The following LINC00305 variants were observed in gnomAD, a reference collection of about 807,000 sequenced individuals.
LINC00305 encodes long intergenic non-protein coding RNA 305.
At chr18:64,143,737 C>T (rs535306231) in intron 1 of LINC00305, among the ~76,000 whole-genome samples, 1 of 67,774 alleles carries the variant, frequency 1.5e-5, no homozygotes, top group Non-Finnish European at 3.2e-5. Flanking sequence ...TGTATGTCCA[C>T]ATATTATGCG....
At chr18:64,091,661 A>G (rs565387598) in intron 3 of LINC00305, among the ~76,000 whole-genome samples, 1 of 152,350 alleles carries the variant, frequency 6.6e-6, no homozygotes, top group East Asian at 1.9e-4. Flanking sequence ...GAATCAGACC[A>G]TTGGTCTGCA....
At chr18:64,108,884 TGGA>T (rs1336801674) in intron 1 of LINC00305, among the ~76,000 whole-genome samples, 3 of 152,214 alleles carry the variant, frequency 2.0e-5, no homozygotes, top group Non-Finnish European at 4.4e-5. Flanking sequence ...GGATGGAACC[TGGA>T]GAAAAAGAAA....
In LINC00305 at chr18:64,102,666, A is replaced by G. The variant is rs540259254; in HGVS notation, n.315-4026T>C. Among the ~76,000 whole-genome samples the G allele has an allele frequency of 5.3e-5, 8 of 152,296 alleles. No homozygotes were observed. In the East Asian group the frequency reaches 1.5e-3, roughly 29 times the overall value. On this transcript the variant is annotated intron_variant and non_coding_transcript_variant, in intron 1 of 3. Coordinates refer to ENST00000666468, the Ensembl canonical transcript of LINC00305. ...TGGTTCTGCAGGCTATATAGGAAGT[A>G]TAGTAGCTTCTGCTTCTAGGGAGAC...
At chr18:64,102,710 A>G (rs146490237) in intron 1 of LINC00305, among the ~76,000 whole-genome samples, 1,707 of 152,292 alleles carry the variant, frequency 0.011, 29 homozygotes, top group African/African-American at 0.039. Context: ...ACTTAGAATC[A>G]TGGCGGAGGG....
intron 1 of LINC00305, among the ~76,000 whole-genome samples, chr18:64,118,614 T>C (rs1171099614): frequency 6.6e-6 from 1 of 152,186 alleles, no homozygotes; most frequent in African/African-American, 2.4e-5. Context: ...TGACACATTC[T>C]GCGTGGAATG....
Position 64,109,064 on chromosome 18 carries a change from G to A in LINC00305, n.315-10424C>T, listed in dbSNP as rs1407198768. Among the ~76,000 whole-genome samples, 3 of 152,204 alleles carry A rather than the reference G, an allele frequency of 2.0e-5. No homozygotes were observed. The South Asian group carries it at 6.2e-4, about 32-fold the overall frequency. On this transcript the variant is annotated intron_variant and non_coding_transcript_variant, in intron 1 of 3. Transcript: ENST00000666468. The stretch of plus-strand genomic sequence containing the variant: ...CCCCCACATTTGAAAAATCACTGCT[G>A]TAGATGTGTGAAATGGATTTGTGGA...
intron 1 of LINC00305, among the ~76,000 whole-genome samples, chr18:64,148,187 G>C (rs534220100): frequency 6.6e-6 from 1 of 152,048 alleles, no homozygotes; most frequent in Non-Finnish European, 1.5e-5. Flanking sequence ...TCTCTCTTCT[G>C]AGATTCAGTT....
intron 1 of LINC00305, among the ~76,000 whole-genome samples, chr18:64,148,218 A>C (rs2051507391): frequency 6.6e-6 from 1 of 151,970 alleles, no homozygotes; most frequent in Non-Finnish European, 1.5e-5. Flanking sequence ...AGAGGAGTGT[A>C]AAGTCTAACC....
intron 3 of LINC00305, chr18:64,097,810 T>C (rs1422563062): frequency 2.2e-6 from 1 of 448,892 alleles, no homozygotes; most frequent in Middle Eastern, 3.3e-4. Flanking sequence ...AAAAACTTTT[T>C]GTTTCATGAA....
At chr18:64,141,740 A>G (rs2051464449) in intron 1 of LINC00305, among the ~76,000 whole-genome samples, 1 of 152,244 alleles carries the variant, frequency 6.6e-6, no homozygotes, top group African/African-American at 2.4e-5. Flanking sequence ...TTCAATTCTG[A>G]TAATTCTGAG....
intron 1 of LINC00305, among the ~76,000 whole-genome samples, chr18:64,129,310 T>C (rs1481726928): frequency 2.0e-5 from 3 of 152,118 alleles, no homozygotes. Flanking sequence ...AATGACTGAT[T>C]TGCTAATTTT....
chr18:64,102,207 C>A (rs186886748), intron 1 of LINC00305, among the ~76,000 whole-genome samples: 3 of 152,092 alleles, frequency 2.0e-5, no homozygotes, highest in Non-Finnish European at 4.4e-5. Flanking sequence ...ATGAGAGAAG[C>A]CTAAAGGTCT....
At chr18:64,100,325 A>C (rs1487384693) in intron 1 of LINC00305, among the ~76,000 whole-genome samples, 1 of 152,188 alleles carries the variant, frequency 6.6e-6, no homozygotes, top group Non-Finnish European at 1.5e-5. Context: ...ACAAAAAGTC[A>C]ATTGGAGCTC....
At chr18:64,107,679 C>T (rs534030015) in intron 1 of LINC00305, among the ~76,000 whole-genome samples, 1 of 152,238 alleles carries the variant, frequency 6.6e-6, no homozygotes, top group South Asian at 2.1e-4. Flanking sequence ...TTCGTGACAT[C>T]GGAGATACAA....
At chr18:64,111,755 G>A (rs1253179776) in intron 1 of LINC00305, among the ~76,000 whole-genome samples, 8 of 152,134 alleles carry the variant, frequency 5.3e-5, no homozygotes, top group South Asian at 2.1e-4. Context: ...GAGTCAAGTC[G>A]TCCAAGCTCC....
At chr18:64,099,057 T>C (rs1293477775) in intron 1 of LINC00305, among the ~76,000 whole-genome samples, 1 of 152,216 alleles carries the variant, frequency 6.6e-6, no homozygotes, top group Non-Finnish European at 1.5e-5. Flanking sequence ...GAGGAGAAGA[T>C]ATCCTGTCTC....
At chr18:64,113,034 T>C (rs750774265) in intron 1 of LINC00305, among the ~76,000 whole-genome samples, 12 of 152,344 alleles carry the variant, frequency 7.9e-5, no homozygotes, top group Non-Finnish European at 1.5e-4. Context: ...AAACAACTTT[T>C]CTAAGGTTAT....
At chr18:64,090,873 T>C (rs1954400487) in intron 3 of LINC00305, among the ~76,000 whole-genome samples, 1 of 152,240 alleles carries the variant, frequency 6.6e-6, no homozygotes, top group Non-Finnish European at 1.5e-5. Flanking sequence ...TTATGTTTCA[T>C]AGCTTACACG....
At chr18:64,092,078 G>GA in intron 3 of LINC00305, among the ~76,000 whole-genome samples, 1 of 152,146 alleles carries the variant, frequency 6.6e-6, no homozygotes, top group Non-Finnish European at 1.5e-5. Context: ...AAATATGTTT[G>GA]AAAAACCAAC....
Sources: allele counts gnomAD v4.1 joint callset (sites outside exome capture counted in the v4.1 genomes callset), GRCh38; gene constraint gnomAD v4.1.1; transcripts MANE v1.5; gene names NCBI Gene and HGNC (gene_info 2026-07-23, HGNC 2026-07-21).